Variants in DYM observed in about 807,000 individuals in gnomAD.
The protein encoded by DYM is dymeclin.
Under a neutral mutation model 93.1 loss-of-function variants are expected in DYM, and 78 were observed. The observed-to-expected ratio is 0.84, with a 90% CI of 0.70 to 1.01. The LOEUF (loss-of-function observed/expected upper bound fraction) is 1.01. Among genes scored for constraint, DYM ranks in the 50% least tolerant of loss-of-function variants. The pLI, the probability that DYM is intolerant of heterozygous loss-of-function variation, is 0.00. For synonymous variants in DYM, 321 were observed against 319.7 expected (o/e 1.00, Z -0.04); for missense variants, 789 against 845.0 (o/e 0.93, Z 0.82).
intron 15 of DYM, among the ~76,000 whole-genome samples, chr18:49,124,640 C>T (rs2082657304): frequency 1.3e-5 from 2 of 152,060 alleles, no homozygotes; most frequent in South Asian, 4.1e-4. Flanking sequence ...GGGTATTTTA[C>T]CAAACTTCTC....
intron 2 of DYM, among the ~76,000 whole-genome samples, chr18:49,403,569 T>C (rs906046659): frequency 6.6e-6 from 1 of 152,186 alleles, no homozygotes; most frequent in Non-Finnish European, 1.5e-5. Context: ...CTTTTTTAAG[T>C]CTAGGTTTTT....
chr18:49,260,451 G>C (rs1044003071), intron 11 of DYM, among the ~76,000 whole-genome samples: 8 of 152,142 alleles, frequency 5.3e-5, no homozygotes, highest in African/African-American at 1.7e-4. Context: ...GAAAAGTGCA[G>C]ACGTCATAGC....
intron 17 of DYM, among the ~76,000 whole-genome samples, chr18:49,088,628 A>G (rs1033756830): frequency 1.3e-5 from 2 of 151,982 alleles, no homozygotes; most frequent in African/African-American, 2.4e-5. Flanking sequence ...ACTTTCAAAC[A>G]TTTCAAAGGT....
chr18:49,239,995 A>G (rs987553498), intron 13 of DYM, among the ~76,000 whole-genome samples: 1 of 152,222 alleles, frequency 6.6e-6, no homozygotes, highest in South Asian at 2.1e-4. Context: ...AATAGAGACC[A>G]TGAGCTCTTA....
At chr18:49,400,230 A>T (rs1218763529) in intron 2 of DYM, among the ~76,000 whole-genome samples, 1 of 152,046 alleles carries the variant, frequency 6.6e-6, no homozygotes, top group East Asian at 1.9e-4. Context: ...TGTGAGCCAT[A>T]GCACCCAGAC....
intron 13 of DYM, among the ~76,000 whole-genome samples, chr18:49,218,924 A>G (rs929225864): frequency 6.6e-6 from 1 of 152,194 alleles, no homozygotes; most frequent in Non-Finnish European, 1.5e-5. Flanking sequence ...ACTGAAGGAA[A>G]TAGAGACACA....
chr18:49,284,960 T>C (rs1245193437), intron 9 of DYM, among the ~76,000 whole-genome samples: 2 of 152,164 alleles, frequency 1.3e-5, no homozygotes, highest in African/African-American at 2.4e-5. Context: ...CTCTCATCAA[T>C]AGGATGAAGG....
intron 2 of DYM, among the ~76,000 whole-genome samples, chr18:49,402,560 CACTA>C (rs1428923503): frequency 1.3e-5 from 2 of 152,126 alleles, no homozygotes; most frequent in Non-Finnish European, 2.9e-5. Flanking sequence ...TTTGATGAAC[CACTA>C]ACTGTTACTA....
intron 2 of DYM, among the ~76,000 whole-genome samples, chr18:49,422,369 T>G (rs763529380): frequency 8.6e-5 from 13 of 151,982 alleles, no homozygotes; most frequent in East Asian, 1.9e-4. Context: ...TTAAAGAAAA[T>G]AATTTTCAAC....
At chr18:49,367,639 T>C (rs905530795) in intron 5 of DYM, among the ~76,000 whole-genome samples, 2 of 152,148 alleles carry the variant, frequency 1.3e-5, no homozygotes, top group Non-Finnish European at 2.9e-5. Flanking sequence ...ATGAAACATA[T>C]GGATTTAAAT....
At chr18:49,191,025 C>G (rs1203178331) in intron 14 of DYM, among the ~76,000 whole-genome samples, 2 of 149,504 alleles carry the variant, frequency 1.3e-5, no homozygotes, top group Non-Finnish European at 3.0e-5. Context: ...TGGGGAAGTT[C>G]AAAGTCATAT....
chr18:49,104,248 T>C (rs887038367), intron 16 of DYM, among the ~76,000 whole-genome samples: 2 of 152,306 alleles, frequency 1.3e-5, no homozygotes, highest in East Asian at 3.9e-4. Context: ...CTTGTGATTT[T>C]TGCACATTGA....
intron 8 of DYM, among the ~76,000 whole-genome samples, chr18:49,311,932 G>A (rs1219746502): frequency 6.6e-6 from 1 of 151,534 alleles, no homozygotes; most frequent in African/African-American, 2.4e-5. Flanking sequence ...GGTTATGAGA[G>A]GAAGGGGCAG....
intron 17 of DYM, among the ~76,000 whole-genome samples, chr18:49,084,327 T>C (rs2078308049): frequency 6.6e-6 from 1 of 152,206 alleles, no homozygotes; most frequent in South Asian, 2.1e-4. Flanking sequence ...TAAACATATC[T>C]GTTTGATTTC....
rs547167990 is a variant in DYM, at chr18:49,342,010, G to A, written c.495-8157C>T. Among the ~76,000 whole-genome samples, 3 of 152,346 alleles carry A rather than the reference G, an allele frequency of 2.0e-5. No individual in the cohort carries two copies. In the South Asian group the frequency reaches 6.2e-4, roughly 32 times the overall value. The stretch of plus-strand genomic sequence containing the variant: ...TGTTATCATACAGTCCTGGGAGTCA[G>A]AAGTCCAGTACAGGTCTCACGAGCC... On this transcript the variant is annotated intron_variant, in intron 6 of 17. Transcript: ENST00000675505.
chr18:49,118,993 T>A, intron 15 of DYM, 67 bp from the exon 16 acceptor site: 1 of 1,335,318 alleles, frequency 7.5e-7, no homozygotes, highest in Non-Finnish European at 1.1e-6. Context: ...TTAATGAAAA[T>A]AAGAGTAATT....
intron 16 of DYM, among the ~76,000 whole-genome samples, chr18:49,109,618 T>C (rs942226905): frequency 2.0e-5 from 3 of 152,170 alleles, no homozygotes; most frequent in Non-Finnish European, 4.4e-5. Flanking sequence ...GCAATAGCAG[T>C]GATCAGAGCA....
chr18:49,138,985 TCTCC>T (rs1190562508), intron 15 of DYM, among the ~76,000 whole-genome samples: 2 of 152,118 alleles, frequency 1.3e-5, no homozygotes, highest in Non-Finnish European at 2.9e-5. Flanking sequence ...ATAGCCAATC[TCTCC>T]GAGAGTTAGA....
At chr18:49,098,943 A>G (rs1465629694) in intron 16 of DYM, among the ~76,000 whole-genome samples, 1 of 152,216 alleles carries the variant, frequency 6.6e-6, no homozygotes, top group Admixed American at 6.5e-5. Context: ...TTTTGTGTAA[A>G]TATCTTCACA....
Sources: gnomAD v4.1 joint callset for allele counts (sites outside exome capture counted in the v4.1 genomes callset) on GRCh38, gnomAD v4.1.1 for gene constraint, MANE v1.5 for transcripts, NCBI Gene and HGNC (gene_info 2026-07-23, HGNC 2026-07-21) for gene names.